CABP1: variants seen among roughly 807,000 people sequenced by gnomAD.
CABP1 encodes calcium-binding protein 1.
In CABP1, 17 loss-of-function variants were observed where a neutral mutation model predicts 34.3. That is an observed-to-expected ratio of 0.50 (90% CI 0.34 to 0.74). CABP1 has a LOEUF of 0.74. CABP1 is among the 30% of genes least tolerant of loss of function. CABP1 has a pLI of 0.01. For synonymous variants in CABP1, 198 were observed against 229.2 expected (o/e 0.86, Z 1.23); for missense variants, 373 against 511.1 (o/e 0.73, Z 2.61).
chr12:120,676,218 G>T, the CABP1 span, among the ~76,000 whole-genome samples: 1 of 152,132 alleles, frequency 6.6e-6, no homozygotes, highest in East Asian at 1.9e-4. Flanking sequence ...AGACATACCA[G>T]TCACATATCA....
At chr12:120,644,880 C>T (rs1335003747) in intron 1 of CABP1, among the ~76,000 whole-genome samples, 1 of 152,236 alleles carries the variant, frequency 6.6e-6, no homozygotes, top group Non-Finnish European at 1.5e-5. Context: ...TCTTGGCTCA[C>T]TGCAACCTCT....
chr12:120,667,124 C>G lies in CABP1; in HGVS notation c.*224C>G. On this transcript the variant is annotated 3_prime_UTR_variant, in exon 6 of 6. Coordinates refer to ENST00000316803, the MANE Select transcript of CABP1 (RefSeq NM_001033677.2). ...GGGCGCCCGCCGACGAGGAGGCCACCGTGCCAAGCCGGCAGAGGTCATGCC... is the reference window on the plus strand; with the variant it reads ...GGGCGCCCGCCGACGAGGAGGCCACGGTGCCAAGCCGGCAGAGGTCATGCC... The G allele has an allele frequency of 1.7e-6, 1 of 595,148 alleles. No individual in the cohort carries two copies. The highest frequency in any genetic ancestry group is 3.0e-6 in the Non-Finnish European group (1 of 335,570). 36.9% of individuals were successfully genotyped at this position (595,148 alleles called of 1,614,324 possible). A position where few individuals can be genotyped will look rare whatever the true frequency, so the allele number is the denominator to read the frequency against.
At position 120,640,984 on chromosome 12, in the gene CABP1, G is replaced by C. The variant is rs1460510893; in HGVS notation, c.299G>C (p.Arg100Pro). The C allele has an allele frequency of 1.7e-6, 2 of 1,154,660 alleles. No homozygotes were observed. The highest frequency in any genetic ancestry group is 2.1e-6 in the Non-Finnish European group (2 of 938,878). 71.5% of individuals were successfully genotyped at this position (1,154,660 alleles called of 1,614,324 possible). A position where few individuals can be genotyped will look rare whatever the true frequency, so the allele number is the denominator to read the frequency against. ...CGGGACCCGGGGCTGCCTAGCCGCC[G>C]GCTACCCGGCTCCTGCCCGGCGACG... ...PARDPGLPSRRLPGSCPATPQ... is the reference protein window; with the variant it reads ...PARDPGLPSRPLPGSCPATPQ... The change falls in exon 1 of 6, where the codon CGG (arginine) becomes CCG (proline). Residue 100 changes from arginine to proline, a missense_variant. Physicochemically the swap from Arg to Pro is moderately radical, Grantham distance 103 (BLOSUM62 -2). Transcript: ENST00000316803. This position sits in a 1 kb window ranked among gnomAD's most constrained non-coding sequence, Gnocchi z 6.2.
intron 5 of CABP1, 135 bp from the exon 6 acceptor site, chr12:120,666,740 T>G (rs1881015698): frequency 1.1e-6 from 1 of 911,060 alleles, no homozygotes; most frequent in Non-Finnish European, 1.7e-6. Flanking sequence ...GCTGTGTCCA[T>G]GGATTGGAGA....
chr12:120,655,906 C>T lies in CABP1; in HGVS notation c.655-3972C>T, dbSNP rs956330586. 25 of 1,536,510 alleles carry T rather than the reference C, an allele frequency of 1.6e-5. No individual in the cohort carries two copies. The African/African-American group carries it at 1.9e-4, about 12-fold the overall frequency. ...CAGCTCTCCCCGGAACCACCATTTC[C>T]GTCAAGGATTGGAGACTCTGTCTGT... On this transcript the variant is annotated intron_variant, in intron 1 of 5. Transcript: ENST00000316803.
chr12:120,641,352 C>A lies in CABP1; in HGVS notation c.654+13C>A. The A allele has an allele frequency of 7.9e-7, 1 of 1,269,312 alleles. No homozygotes were observed. Among genetic ancestry groups the A allele is most frequent in the East Asian group, 3.1e-5 (1 of 32,038 alleles). The allele number at this position is 1,269,312 out of a possible 1,614,324, so 78.6% of individuals were successfully genotyped here. A position where few individuals can be genotyped will look rare whatever the true frequency, so the allele number is the denominator to read the frequency against. ...CGCCTTTGGCCAGGTAAGGGCCGCGCCTCCCGTCAGCGCTCCCGGGAAAGG... is the reference window on the plus strand; with the variant it reads ...CGCCTTTGGCCAGGTAAGGGCCGCGACTCCCGTCAGCGCTCCCGGGAAAGG... On this transcript the variant is annotated intron_variant, in intron 1 of 5. Coordinates refer to ENST00000316803, the MANE Select transcript of CABP1 (RefSeq NM_001033677.2). This position sits in a 1 kb window ranked among gnomAD's most constrained non-coding sequence, Gnocchi z 6.7.
chr12:120,661,332 G>C lies in CABP1; in HGVS notation c.1087+114G>C. Reference sequence around the variant, plus strand: ...ATCCGCCCTAATTTTCCAACCCCCAGCCCTTTCATCCTCTTATCCCTCCGT... The same window carrying C: ...ATCCGCCCTAATTTTCCAACCCCCACCCCTTTCATCCTCTTATCCCTCCGT... On this transcript the variant is annotated intron_variant, in intron 5 of 5. Transcript: ENST00000316803. The surrounding 1 kb of genome is among the most constrained non-coding windows in gnomAD (Gnocchi z 5.1). 8.0e-7 allele frequency: 1 copy of C among 1,250,096 alleles called. No individual in the cohort carries two copies. Among genetic ancestry groups the C allele is most frequent in the Non-Finnish European group, 1.1e-6 (1 of 910,850 alleles). 77.4% of individuals were successfully genotyped at this position (1,250,096 alleles called of 1,614,324 possible).
intron 1 of CABP1, among the ~76,000 whole-genome samples, chr12:120,642,687 T>A (rs1247753725): frequency 6.6e-6 from 1 of 152,146 alleles, no homozygotes; most frequent in Non-Finnish European, 1.5e-5. Flanking sequence ...TGAGGAGGTG[T>A]AGGCTGCCAG....
At chr12:120,658,420 C>G (rs962581346) in intron 1 of CABP1, among the ~76,000 whole-genome samples, 1 of 152,050 alleles carries the variant, frequency 6.6e-6, no homozygotes, top group Non-Finnish European at 1.5e-5. Flanking sequence ...TTTAGGTGAA[C>G]GTCCATGCAG....
intron 5 of CABP1, among the ~76,000 whole-genome samples, chr12:120,662,646 C>A (rs1163974143): frequency 6.7e-6 from 1 of 149,932 alleles, no homozygotes; most frequent in African/African-American, 2.5e-5. Flanking sequence ...CAGGCGTGAG[C>A]CACTGTGCCT....
rs936321984 is a variant in CABP1, at chr12:120,659,798, C to T, written c.655-80C>T. The T allele has an allele frequency of 4.2e-5, 59 of 1,398,128 alleles. No individual in the cohort carries two copies. The East Asian group carries it at 1.2e-3, about 29-fold the overall frequency. 86.6% of individuals were successfully genotyped at this position (1,398,128 alleles called of 1,614,324 possible). A position where few individuals can be genotyped will look rare whatever the true frequency, so the allele number is the denominator to read the frequency against. On this transcript the variant is annotated intron_variant, in intron 1 of 5. Transcript: ENST00000316803. ...ACCTCCTACCCAGTGCCTGCTGCCACGTGGATGGCCCCCAGGTTAGGTATT... is the reference window on the plus strand; with the variant it reads ...ACCTCCTACCCAGTGCCTGCTGCCATGTGGATGGCCCCCAGGTTAGGTATT...
At chr12:120,676,516 C>T in the CABP1 span, among the ~76,000 whole-genome samples, 3 of 152,114 alleles carry the variant, frequency 2.0e-5, no homozygotes, top group Non-Finnish European at 4.4e-5. Context: ...CAACCTCCGC[C>T]TCCCGGGTTG....
At chr12:120,667,900 G>T (rs1379337283), downstream of CABP1, among the ~76,000 whole-genome samples, 1 of 152,126 alleles carries the variant, frequency 6.6e-6, no homozygotes, top group African/African-American at 2.4e-5. Context: ...TATTTAGCTG[G>T]GTACTCAGCT....
At chr12:120,668,806 G>A (rs1881141995), downstream of CABP1, among the ~76,000 whole-genome samples, 1 of 152,236 alleles carries the variant, frequency 6.6e-6, no homozygotes, top group Non-Finnish European at 1.5e-5. Context: ...AGACAGGCTT[G>A]GAGCGTACTT....
Position 120,646,625 on chromosome 12 carries a change from T to A in CABP1, c.654+5286T>A, listed in dbSNP as rs144559836. ...AACTCCTGGGCTCAAGTGATCCTCC[T>A]GCCCTAGCCTCCTGAGTATCTATGA... On this transcript the variant is annotated intron_variant, in intron 1 of 5. Coordinates refer to ENST00000316803, the MANE Select transcript of CABP1 (RefSeq NM_001033677.2). Among the ~76,000 whole-genome samples the A allele has an allele frequency of 3.2e-4, 49 of 152,288 alleles. 2 individuals are homozygous for A. Among genetic ancestry groups the A allele is most frequent in the African/African-American group, 1.2e-3 (48 of 41,568 alleles).
chr12:120,653,353 G>A (rs1040582345), intron 1 of CABP1, among the ~76,000 whole-genome samples: 1 of 152,128 alleles, frequency 6.6e-6, no homozygotes, highest in Non-Finnish European at 1.5e-5. Flanking sequence ...GGAATCCTGT[G>A]ACTAGTCATG....
chr12:120,659,140 A>G (rs757749464), intron 1 of CABP1: 2 of 152,254 alleles, frequency 1.3e-5, no homozygotes, highest in Admixed American at 6.5e-5. Flanking sequence ...TCCAGCCAGA[A>G]GCACTGGTGG....
the CABP1 span, among the ~76,000 whole-genome samples, chr12:120,673,584 T>C: frequency 1.3e-5 from 2 of 151,602 alleles, no homozygotes; most frequent in Non-Finnish European, 1.5e-5. Flanking sequence ...CGAGACTCCA[T>C]CTCAAAAAAA....
At chr12:120,676,874 C>A in the CABP1 span, among the ~76,000 whole-genome samples, 2 of 152,108 alleles carry the variant, frequency 1.3e-5, no homozygotes, top group Non-Finnish European at 2.9e-5. Context: ...ATAGTAAAGA[C>A]CCTCCTGGCA....
Sources: gnomAD v4.1 joint callset for allele counts (sites outside exome capture counted in the v4.1 genomes callset) on GRCh38, gnomAD v4.1.1 for gene constraint, Gnocchi (gnomAD v3.1) non-coding constraint, MANE v1.5 for transcripts, NCBI Gene and HGNC (gene_info 2026-07-23, HGNC 2026-07-21) for gene names.